Variants in SART3 observed in about 807,000 individuals in gnomAD.
SART3 encodes HIV-1 Tat-interacting protein of 110kDa.
In SART3, 44 loss-of-function variants were observed where a neutral mutation model predicts 122.3. That is an observed-to-expected ratio of 0.36 (90% CI 0.28 to 0.46). The LOEUF is 0.46. Ranked by LOEUF, SART3 falls within the 20% of genes least tolerant of loss-of-function variation. The probability of loss-of-function intolerance (pLI) is 1.00; values close to 1 mark genes in which losing one functional copy is unlikely to be tolerated. For synonymous variants in SART3, 442 were observed against 454.0 expected, an observed-to-expected ratio of 0.97 and a Z score of 0.34; for missense variants, 1,101 against 1,229.0, an observed-to-expected ratio of 0.90 and a Z score of 1.56.
intron 1 of SART3, among the ~76,000 whole-genome samples, chr12:108,558,493 G>C (rs1489897541): frequency 6.6e-6 from 1 of 152,182 alleles, no homozygotes; most frequent in African/African-American, 2.4e-5. Context: ...CAGAGTACTA[G>C]TGGCCAGAGA....
intron 6 of SART3, chr12:108,542,826 G>T: frequency 1.4e-6 from 1 of 723,660 alleles, no homozygotes; most frequent in Non-Finnish European, 2.4e-6. Flanking sequence ...GACTTCTAAG[G>T]TACTGGCAAT....
In SART3 at chr12:108,547,922, T is replaced by C. The variant is rs528557929; in HGVS notation, c.509A>G (p.Tyr170Cys). ...AQDGLDREHVYDLFEKAVKDY... is the reference protein window; with the variant it reads ...AQDGLDREHVCDLFEKAVKDY... ...CTTCACGGCTTTCTCAAAGAGGTCATACACGTGCTCTCTGTCCAGGCCATC... is the reference window on the plus strand; with the variant it reads ...CTTCACGGCTTTCTCAAAGAGGTCACACACGTGCTCTCTGTCCAGGCCATC... The change falls in exon 3 of 19, where the codon TAT (tyrosine) becomes TGT (cysteine). Residue 170 changes from tyrosine (Y) to cysteine (C), a missense_variant. Coordinates refer to ENST00000546815, the MANE Select transcript of SART3 (RefSeq NM_014706.4). The C allele has an allele frequency of 2.9e-5, 46 of 1,613,768 alleles. No homozygotes were observed. In the South Asian group the frequency reaches 4.8e-4, roughly 17 times the overall value.
At chr12:108,560,434 A>T in intron 1 of SART3, 1 of 309,982 alleles carries the variant, frequency 3.2e-6, no homozygotes, top group Non-Finnish European at 5.9e-6. Flanking sequence ...CATCGCCGTC[A>T]TTCCTACATA....
chr12:108,556,303 G>GC (rs1414012814), intron 1 of SART3, among the ~76,000 whole-genome samples: 1 of 152,078 alleles, frequency 6.6e-6, no homozygotes, highest in African/African-American at 2.4e-5. Context: ...TCACCATCTT[G>GC]CCCAGTCTGG....
At chr12:108,537,240 A>G (rs1303965064) in intron 9 of SART3, 1 of 497,314 alleles carries the variant, frequency 2.0e-6, no homozygotes, top group Non-Finnish European at 3.6e-6. Context: ...AAAGACCTGA[A>G]AGGAGAAATG....
intron 15 of SART3, among the ~76,000 whole-genome samples, chr12:108,529,246 CAAAT>C (rs1872536025): frequency 6.6e-6 from 1 of 152,206 alleles, no homozygotes; most frequent in Admixed American, 6.5e-5. Flanking sequence ...TCAGTATATA[CAAAT>C]AGTTACACAA....
intron 2 of SART3, among the ~76,000 whole-genome samples, chr12:108,548,470 A>G (rs1873536361): frequency 6.6e-6 from 1 of 152,240 alleles, no homozygotes; most frequent in African/African-American, 2.4e-5. Context: ...AGCTAGTAAA[A>G]GATGTAGCCA....
chr12:108,557,442 T>C (rs1279758771), intron 1 of SART3, among the ~76,000 whole-genome samples: 1 of 152,146 alleles, frequency 6.6e-6, no homozygotes, highest in African/African-American at 2.4e-5. Flanking sequence ...AAATGTGTTA[T>C]ACCTAGCTGT....
At chr12:108,560,751 A>G (rs2030489193) in intron 1 of SART3, 92 bp downstream of exon 1, 1 of 1,199,290 alleles carries the variant, frequency 8.3e-7, no homozygotes, top group African/African-American at 1.5e-5. Context: ...TGGCGGCTTT[A>G]TCGCCGCCGA....
At chr12:108,530,344 G>A in intron 14 of SART3, 34 bp from the exon 15 acceptor site, 1 of 1,610,380 alleles carries the variant, frequency 6.2e-7, no homozygotes, top group Non-Finnish European at 8.5e-7. Flanking sequence ...ATCGCTGGAT[G>A]TGGCAATTAC....
intron 1 of SART3, chr12:108,560,576 C>T (rs946217725): frequency 8.6e-6 from 4 of 462,530 alleles, no homozygotes; most frequent in Non-Finnish European, 1.5e-5. Context: ...AGAAACTTTC[C>T]TCCACGAGCC....
chr12:108,540,093 C>G (rs1035536622), intron 6 of SART3, among the ~76,000 whole-genome samples: 9 of 152,170 alleles, frequency 5.9e-5, no homozygotes, highest in African/African-American at 2.2e-4. Context: ...AACTTCAAGC[C>G]AGTCCACACA....
chr12:108,545,381 G>T (rs1873358049), intron 3 of SART3, 58 bp from the exon 4 acceptor site: 1 of 1,562,924 alleles, frequency 6.4e-7, no homozygotes, highest in South Asian at 1.1e-5. Flanking sequence ...TATCAAAACT[G>T]ATGCATAACA....
At position 108,523,442 on chromosome 12, in the gene SART3, C is replaced by T; in HGVS notation, c.*15G>A. On this transcript the variant is annotated 3_prime_UTR_variant, in exon 19 of 19. Transcript: ENST00000546815. The stretch of plus-strand genomic sequence containing the variant: ...CAGAGTGAAGTAAGGCATTTCCTGT[C>T]TCCCAGCGTCCCGTTCACTTTCTCA... 2.5e-6 allele frequency: 4 copies of T among 1,612,008 alleles called. No homozygotes were observed. The highest frequency in any genetic ancestry group is 3.4e-6 in the Non-Finnish European group (4 of 1,179,830).
intron 6 of SART3, among the ~76,000 whole-genome samples, chr12:108,541,949 C>G (rs1337439785): frequency 6.6e-6 from 1 of 151,540 alleles, no homozygotes; most frequent in Non-Finnish European, 1.5e-5. Context: ...ATCCTCCTAC[C>G]TTCGCCTCTG....
intron 1 of SART3, 195 bp from the exon 2 acceptor site, chr12:108,549,409 T>G (rs1194978011): frequency 1.7e-6 from 1 of 576,868 alleles, no homozygotes; most frequent in East Asian, 3.0e-5. Context: ...GTAACAAACA[T>G]AAAGCTCCCT....
intron 15 of SART3, among the ~76,000 whole-genome samples, chr12:108,528,253 C>T (rs557471853): frequency 1.8e-4 from 28 of 152,054 alleles, no homozygotes; most frequent in South Asian, 4.2e-4. Flanking sequence ...GAGGCCAAGG[C>T]GGGAGGATCA....
At chr12:108,542,118 A>AT (rs1322076558) in intron 6 of SART3, among the ~76,000 whole-genome samples, 2 of 148,438 alleles carry the variant, frequency 1.3e-5, no homozygotes, top group African/African-American at 5.0e-5. Context: ...AAGTGCTGGG[A>AT]TTATAGGCAT....
At chr12:108,543,221 C>G (rs1873247418) in intron 5 of SART3, 69 bp from the exon 6 acceptor site, 2 of 1,583,180 alleles carry the variant, frequency 1.3e-6, no homozygotes, top group African/African-American at 2.7e-5. Context: ...ACAGATTAAG[C>G]CATGAGACTC....
Sources: allele counts gnomAD v4.1 joint callset (sites outside exome capture counted in the v4.1 genomes callset), GRCh38; gene constraint gnomAD v4.1.1; transcripts MANE v1.5; gene names NCBI Gene and HGNC (gene_info 2026-07-23, HGNC 2026-07-21).